Variants in DPP10 observed in about 807,000 individuals in gnomAD.
DPP10 encodes the protein inactive dipeptidyl peptidase 10.
A neutral mutation model predicts 120.9 loss-of-function variants in DPP10; 33 were observed. The ratio of observed to expected loss-of-function variants is 0.27; its 90% confidence interval spans 0.21 to 0.37. DPP10 has a LOEUF of 0.37. DPP10 is among the 10% of genes least tolerant of loss of function. The pLI is 1.00. For synonymous variants in DPP10, 337 were observed against 326.1 expected (o/e 1.03, Z -0.36); for missense variants, 816 against 942.8 (o/e 0.87, Z 1.76).
At chr2:114,533,254 A>G (rs1302428202) in intron 1 of DPP10, among the ~76,000 whole-genome samples, 1 of 152,136 alleles carries the variant, frequency 6.6e-6, no homozygotes, top group Admixed American at 6.6e-5. Flanking sequence ...ATAACATTTT[A>G]TGGTGCTCCA....
At chr2:114,576,696 A>C (rs956565867) in intron 1 of DPP10, among the ~76,000 whole-genome samples, 2 of 152,174 alleles carry the variant, frequency 1.3e-5, no homozygotes, top group African/African-American at 4.8e-5. Flanking sequence ...TGACTGAGCT[A>C]ATTAGCACAC....
chr2:114,734,810 T>C (rs1392534484), intron 1 of DPP10, among the ~76,000 whole-genome samples: 1 of 152,202 alleles, frequency 6.6e-6, no homozygotes, highest in Admixed American at 6.5e-5. Flanking sequence ...GGTTCAAGTA[T>C]GAGTTTGCTA....
chr2:115,526,729 G>A (rs2078155828), intron 5 of DPP10, among the ~76,000 whole-genome samples: 1 of 152,088 alleles, frequency 6.6e-6, no homozygotes, highest in South Asian at 2.1e-4. Context: ...ATGAACTTAA[G>A]GCAGGAAGCC....
At chr2:114,481,229 G>A (rs1407330665) in intron 1 of DPP10, among the ~76,000 whole-genome samples, 1 of 151,630 alleles carries the variant, frequency 6.6e-6, no homozygotes, top group African/African-American at 2.4e-5. Context: ...TAACCTCAAA[G>A]GAAAAAGAAA....
chr2:114,487,300 G>A (rs1681598565), intron 1 of DPP10, among the ~76,000 whole-genome samples: 1 of 152,130 alleles, frequency 6.6e-6, no homozygotes, highest in South Asian at 2.1e-4. Context: ...GAAGAAAAAG[G>A]AAGTATCAGG....
intron 3 of DPP10, among the ~76,000 whole-genome samples, chr2:115,434,841 C>A (rs1443221323): frequency 1.3e-5 from 2 of 151,684 alleles, no homozygotes; most frequent in Non-Finnish European, 3.0e-5. Flanking sequence ...TCCCCAATAC[C>A]CTTCCCAGCC....
intron 1 of DPP10, among the ~76,000 whole-genome samples, chr2:115,119,337 T>TC (rs2049702849): frequency 6.6e-6 from 1 of 152,214 alleles, no homozygotes; most frequent in Non-Finnish European, 1.5e-5. Context: ...AAGCTGCTAA[T>TC]CACCAGCTTC....
intron 5 of DPP10, among the ~76,000 whole-genome samples, chr2:115,570,414 C>T (rs757533214): frequency 6.6e-6 from 1 of 152,232 alleles, no homozygotes; most frequent in South Asian, 2.1e-4. Flanking sequence ...TGGTGCCCAA[C>T]ACCTTCTGTA....
chr2:115,109,393 G>T (rs56073672), intron 1 of DPP10, among the ~76,000 whole-genome samples: 31,261 of 151,892 alleles, frequency 0.21, 3,954 homozygotes, highest in East Asian at 0.36. Context: ...AAAATTAGCT[G>T]GGCGTGGTGG....
At position 114,753,631 on chromosome 2, in the gene DPP10, T is replaced by G. The variant is rs539359774; in HGVS notation, c.60+310793T>G. 2.0e-5 allele frequency among the ~76,000 whole-genome samples: 3 copies of G among 152,026 alleles called. No individual in the cohort carries two copies. In the South Asian group the frequency reaches 6.2e-4, roughly 32 times the overall value. ...AAAGTATAGAAATATGAAAATGGGC[T>G]GGGCGCGGTGGCTCACGCCTGTAAT... On this transcript the variant is annotated intron_variant, in intron 1 of 25. Coordinates refer to ENST00000410059, the MANE Select transcript of DPP10 (RefSeq NM_020868.6).
chr2:115,586,412 A>G (rs1349170733), intron 5 of DPP10, among the ~76,000 whole-genome samples: 4 of 152,206 alleles, frequency 2.6e-5, no homozygotes, highest in South Asian at 2.1e-4. Context: ...ATAAAATACC[A>G]TTGTCATACA....
chr2:114,730,160 G>T (rs1310957491), intron 1 of DPP10, among the ~76,000 whole-genome samples: 2 of 151,904 alleles, frequency 1.3e-5, no homozygotes, highest in Non-Finnish European at 2.9e-5. Context: ...GAGGTGAGAA[G>T]TCAATTACAC....
Position 114,659,009 on chromosome 2 carries a change from G to A in DPP10, c.60+216171G>A, listed in dbSNP as rs150240886. On this transcript the variant is annotated intron_variant, in intron 1 of 25. Coordinates refer to ENST00000410059, the MANE Select transcript of DPP10 (RefSeq NM_020868.6). ...TCATGACATCTGATGGTTTTTTAAC[G>A]TTTGACATTTCCTCCTACACACTCT... 6.8e-4 allele frequency among the ~76,000 whole-genome samples: 104 copies of A among 152,164 alleles called. 1 individual carries two copies. The highest frequency in any genetic ancestry group is 1.2e-3 in the Non-Finnish European group (81 of 68,006).
chr2:115,286,526 A>ATATATATATATATATT (rs10675008), intron 1 of DPP10, among the ~76,000 whole-genome samples: 3 of 60,946 alleles, frequency 4.9e-5, no homozygotes, highest in Non-Finnish European at 9.9e-5. Context: ...ATATATATAT[A>ATATATATATATATATT]ATATATATAT....
At chr2:115,020,998 C>T (rs1229263925) in intron 1 of DPP10, among the ~76,000 whole-genome samples, 1 of 151,956 alleles carries the variant, frequency 6.6e-6, no homozygotes, top group African/African-American at 2.4e-5. Flanking sequence ...CCTATCAAAA[C>T]CTCTAGAATA....
At chr2:114,887,910 C>A (rs141627663) in intron 1 of DPP10, among the ~76,000 whole-genome samples, 2 of 152,022 alleles carry the variant, frequency 1.3e-5, no homozygotes, top group Non-Finnish European at 2.9e-5. Flanking sequence ...GAGGCTGAGG[C>A]GGGTGGATCA....
At chr2:115,157,125 T>G (rs543035758) in intron 1 of DPP10, among the ~76,000 whole-genome samples, 1 of 151,844 alleles carries the variant, frequency 6.6e-6, no homozygotes, top group African/African-American at 2.4e-5. Context: ...TTCAGCTACA[T>G]GTATACAGAG....
intron 1 of DPP10, among the ~76,000 whole-genome samples, chr2:115,308,978 C>T (rs956410007): frequency 6.6e-6 from 1 of 151,978 alleles, no homozygotes; most frequent in Non-Finnish European, 1.5e-5. Flanking sequence ...TGTTTATAGT[C>T]AATGCATTTT....
At chr2:114,829,601 G>C (rs72832415) in intron 1 of DPP10, among the ~76,000 whole-genome samples, 38,681 of 150,062 alleles carry the variant, frequency 0.26, 5,006 homozygotes, top group Middle Eastern at 0.35. Flanking sequence ...GGTCTCGAAT[G>C]CCTGACCTCA....
Sources: gnomAD v4.1 joint callset for allele counts (sites outside exome capture counted in the v4.1 genomes callset) on GRCh38, gnomAD v4.1.1 for gene constraint, MANE v1.5 for transcripts, NCBI Gene and HGNC (gene_info 2026-07-23, HGNC 2026-07-21) for gene names.